Variants in TEX22 observed in about 807,000 individuals in gnomAD.
TEX22 encodes the protein testis-expressed protein 22.
TEX22 carries 16 observed loss-of-function variants against 11.3 expected under a neutral mutation model. The observed-to-expected ratio is 1.42, with a 90% CI of 0.96 to 2.15. The LOEUF is 2.15. TEX22 is among the 30% of genes most tolerant of loss of function. The pLI is 0.00. For synonymous variants in TEX22, 97 were observed against 92.3 expected, an observed-to-expected ratio of 1.05 and a Z score of -0.29; for missense variants, 220 against 208.6, an observed-to-expected ratio of 1.05 and a Z score of -0.34.
chr14:105,411,360 T>TC lies in TEX22; in HGVS notation c.151-3dup. 1 of 1,328,944 alleles carries TC rather than the reference T, an allele frequency of 7.5e-7. No individual in the cohort carries two copies. Among genetic ancestry groups the TC allele is most frequent in the Admixed American group, 3.4e-5 (1 of 29,816 alleles). The allele number at this position is 1,328,944 out of a possible 1,614,324, so 82.3% of individuals were successfully genotyped here. On this transcript the variant is annotated splice_region_variant and splice_polypyrimidine_tract_variant and intron_variant, in intron 2 of 3. Coordinates refer to ENST00000451127, the MANE Select transcript of TEX22 (RefSeq NM_001195082.2). The stretch of plus-strand genomic sequence containing the variant: ...AGGCCCTCGCCGACCCGCTGCCCTG[T>TC]CCCCCAGGTGTGCGAGCCGCCGGAA...
intron 2 of TEX22, among the ~76,000 whole-genome samples, chr14:105,403,495 T>C (rs587600114): frequency 1.3e-5 from 2 of 152,302 alleles, no homozygotes; most frequent in South Asian, 2.1e-4. Flanking sequence ...TAATCACAGC[T>C]CACTACAGCC....
intron 2 of TEX22, among the ~76,000 whole-genome samples, chr14:105,408,735 T>G (rs1458865539): frequency 1.3e-5 from 2 of 152,152 alleles, no homozygotes; most frequent in Non-Finnish European, 2.9e-5. Context: ...CACTGCCTCC[T>G]TTTCATTCCT....
At chr14:105,399,602 G>T in intron 2 of TEX22, 112 bp downstream of exon 2, 1 of 1,217,908 alleles carries the variant, frequency 8.2e-7, no homozygotes, top group South Asian at 1.6e-5. Flanking sequence ...GGGGAGGGCT[G>T]AGTGGGGACT....
intron 2 of TEX22, among the ~76,000 whole-genome samples, chr14:105,400,946 C>T (rs1323714035): frequency 6.6e-6 from 1 of 152,158 alleles, no homozygotes; most frequent in Non-Finnish European, 1.5e-5. Context: ...CTGATATGGA[C>T]CTGGTATCAC....
At chr14:105,407,884 CATGGGGGTCCATCTGTGTT>C (rs1159182720) in intron 2 of TEX22, among the ~76,000 whole-genome samples, 2 of 125,554 alleles carry the variant, frequency 1.6e-5, no homozygotes, top group African/African-American at 6.4e-5. Flanking sequence ...GGTCTGTCTG[CATGGGGGTCCATCTGTGTT>C]ATGGGGGTCT....
chr14:105,400,933 C>T (rs1555418279), intron 2 of TEX22, among the ~76,000 whole-genome samples: 1 of 152,188 alleles, frequency 6.6e-6, no homozygotes, highest in Non-Finnish European at 1.5e-5. Context: ...CCCAGAGCCA[C>T]TTCTGATATG....
rs587618495 is a variant in TEX22 at position 105,399,490 on chromosome 14, G to A, written c.150G>A (p.Trp50Ter). ...AGCAGGGACTGCAGACTCAGGACTG[G>A]GTAAGCGGAAGGAAACCCTGGCCGA... ...SVQQGLQTQD[W>*]VCEPPERRRP... Residue 50 changes from tryptophan to a stop codon, truncating the protein, a stop_gained and splice_region_variant, in exon 2 of 4, where the codon TGG (tryptophan) becomes TGA (stop). Coordinates refer to ENST00000451127, the MANE Select transcript of TEX22 (RefSeq NM_001195082.2). LOFTEE classifies it high-confidence loss of function. The A allele has an allele frequency of 3.9e-6, 6 of 1,527,328 alleles. No individual in the cohort carries two copies. Among genetic ancestry groups the A allele is most frequent in the Non-Finnish European group, 5.3e-6 (6 of 1,141,526 alleles). The allele number at this position is 1,527,328 out of a possible 1,614,324, so 94.6% of individuals were successfully genotyped here. A position where few individuals can be genotyped will look rare whatever the true frequency, so the allele number is the denominator to read the frequency against.
chr14:105,399,264 G>C, intron 1 of TEX22, 38 bp from the exon 2 acceptor site: 1 of 1,269,244 alleles, frequency 7.9e-7, no homozygotes, highest in Non-Finnish European at 1.1e-6. Context: ...GGGTGGCCTT[G>C]TGGGCCCCGC....
intron 1 of TEX22, 34 bp from the exon 2 acceptor site, chr14:105,399,268 G>GGCC: frequency 2.4e-6 from 3 of 1,272,370 alleles, no homozygotes; most frequent in Non-Finnish European, 2.1e-6. Flanking sequence ...GGCCTTGTGG[G>GGCC]CCCCGCCCCA....
At chr14:105,401,828 C>T (rs1310265764) in intron 2 of TEX22, among the ~76,000 whole-genome samples, 1 of 152,176 alleles carries the variant, frequency 6.6e-6, no homozygotes, top group Non-Finnish European at 1.5e-5. Flanking sequence ...CTCTCAAGAG[C>T]TTGCAGTGGC....
At chr14:105,406,380 A>G (rs587734401) in intron 2 of TEX22, among the ~76,000 whole-genome samples, 9 of 152,332 alleles carry the variant, frequency 5.9e-5, no homozygotes, top group Middle Eastern at 3.4e-3. Flanking sequence ...CTATGAAGAG[A>G]TGCTTGAAAG....
At chr14:105,411,278 G>T in intron 2 of TEX22, 90 bp from the exon 3 acceptor site, 2 of 1,211,798 alleles carry the variant, frequency 1.7e-6, no homozygotes, top group Non-Finnish European at 2.1e-6. Flanking sequence ...GCGCCCGGGG[G>T]CGAGCTCTGA....
chr14:105,402,476 C>T lies in TEX22; in HGVS notation c.150+2986C>T, dbSNP rs587626983. Among the ~76,000 whole-genome samples the T allele has an allele frequency of 2.4e-4, 37 of 152,182 alleles. 1 individual carries two copies. The highest frequency in any genetic ancestry group is 8.5e-4 in the Admixed American group (13 of 15,296). On this transcript the variant is annotated intron_variant, in intron 2 of 3. Transcript: ENST00000451127. ...TCTTAGAAATAAACCTGTTATTGGC[C>T]GGGTGTGGTGGCTCACGCCTGTAAT...
rs185631991 is a variant in TEX22, at chr14:105,402,565, T to G, written c.150+3075T>G. 2.3e-3 allele frequency among the ~76,000 whole-genome samples: 354 copies of G among 151,772 alleles called. 1 individual carries two copies. The highest frequency in any genetic ancestry group is 4.1e-3 in the Non-Finnish European group (282 of 67,972). ...GTCTGGAGATCAAGACCATCCTGGC[T>G]AACACGGTGAAACCCCGTCTCTACT... On this transcript the variant is annotated intron_variant, in intron 2 of 3. Coordinates refer to ENST00000451127, the MANE Select transcript of TEX22 (RefSeq NM_001195082.2).
At chr14:105,411,070 G>A (rs587738802) in intron 2 of TEX22, among the ~76,000 whole-genome samples, 1 of 152,238 alleles carries the variant, frequency 6.6e-6, no homozygotes, top group African/African-American at 2.4e-5. Flanking sequence ...TTCTCCTGCC[G>A]GTCAAGCCGG....
intron 2 of TEX22, among the ~76,000 whole-genome samples, chr14:105,407,824 ACCCTGTGTTATGGGGG>A (rs2081666000): frequency 7.0e-6 from 1 of 142,636 alleles, no homozygotes; most frequent in East Asian, 2.1e-4. Flanking sequence ...TAGTTGCAGA[ACCCTGTGTTATGGGGG>A]TCTGTCTGCA....
At chr14:105,399,532 C>G in intron 2 of TEX22, 42 bp downstream of exon 2, 1 of 1,488,696 alleles carries the variant, frequency 6.7e-7, no homozygotes, top group Non-Finnish European at 8.9e-7. Context: ...TCTCCTGTCC[C>G]CAGCCCGCCT....
Position 105,411,669 on chromosome 14 carries a change from C to A in TEX22, c.289C>A (p.Gln97Lys), listed in dbSNP as rs2141363606. 1 of 1,529,844 alleles carries A rather than the reference C, an allele frequency of 6.5e-7. No individual in the cohort carries two copies. The highest frequency in any genetic ancestry group is 1.7e-4 in the Middle Eastern group (1 of 5,846). 94.8% of individuals were successfully genotyped at this position (1,529,844 alleles called of 1,614,324 possible). The change falls in exon 4 of 4, where the codon CAG becomes AAG. Residue 97 changes from glutamine (Q) to lysine (K), a missense_variant. By Grantham distance (53) the Gln-to-Lys change is moderately conservative (BLOSUM62 1). Coordinates refer to ENST00000451127, the MANE Select transcript of TEX22 (RefSeq NM_001195082.2). The stretch of plus-strand genomic sequence containing the variant: ...CCACCCTCGCCCGCAGGACGTCGTG[C>A]AGATGGTAGCCCAGCTGGTGTCGGA... ...GTQLHCRDVV[Q>K]MVAQLVSEDV...
In TEX22 at chr14:105,399,367, G is replaced by C; in HGVS notation, c.27G>C (p.Arg9=). The C allele has an allele frequency of 1.3e-6, 2 of 1,535,778 alleles. No individual in the cohort carries two copies. Among genetic ancestry groups the C allele is most frequent in the Non-Finnish European group, 1.7e-6 (2 of 1,146,776 alleles). ...TGGACAGCAGGAAACTGTCCCCCCG[G>C]GGGAAGAAGCTGGAGTCGCACCTCT... MDSRKLSP[R]GKKLESHLSQ... is the part of the protein sequence containing the mutation. The change falls in exon 2 of 4, where the codon CGG becomes CGC. Residue 9 remains arginine, a synonymous_variant. Coordinates refer to ENST00000451127, the MANE Select transcript of TEX22 (RefSeq NM_001195082.2).
Sources: gnomAD v4.1 joint callset for allele counts (sites outside exome capture counted in the v4.1 genomes callset) on GRCh38, gnomAD v4.1.1 for gene constraint, MANE v1.5 for transcripts, NCBI Gene and HGNC (gene_info 2026-07-23, HGNC 2026-07-21) for gene names.